Variants in RYR3 observed in about 807,000 individuals in gnomAD.
RYR3 encodes ryanodine receptor 3.
RYR3 carries 207 observed loss-of-function variants against 584.3 expected under a neutral mutation model. The observed-to-expected ratio is 0.35, with a 90% CI of 0.32 to 0.40. The LOEUF is 0.40. Among genes scored for constraint, RYR3 ranks in the 10% least tolerant of loss-of-function variants. RYR3 has a pLI of 1.00. For synonymous variants in RYR3, 2,416 were observed against 2,248.5 expected, an observed-to-expected ratio of 1.07 and a Z score of -2.11; for missense variants, 5,616 against 6,089.2, an observed-to-expected ratio of 0.92 and a Z score of 2.59.
At position 33,820,824 on chromosome 15, in the gene RYR3, T is replaced by G. The variant is rs373472134; in HGVS notation, c.10815+12T>G. The G allele has an allele frequency of 6.9e-5, 109 of 1,574,882 alleles. No homozygotes were observed. The African/African-American group carries it at 1.2e-3, about 18-fold the overall frequency. The stretch of plus-strand genomic sequence containing the variant: ...AAAAAACATTCGAAGTAAGTTCTCA[T>G]GAAGAATAAAAATAGAGCCACCCTC... On this transcript the variant is annotated intron_variant, in intron 78 of 103. Transcript: ENST00000634891.
At position 33,819,723 on chromosome 15, in the gene RYR3, A is replaced by T. The variant is rs202007614; in HGVS notation, c.10707-33A>T. 1,531 of 976,282 alleles carry T rather than the reference A, an allele frequency of 1.6e-3. 6 individuals are homozygous for T. The highest frequency in any genetic ancestry group is 6.4e-3 in the Middle Eastern group (28 of 4,362). The allele number at this position is 976,282 out of a possible 1,614,324, so 60.5% of individuals were successfully genotyped here. On this transcript the variant is annotated intron_variant, in intron 76 of 103. Coordinates refer to ENST00000634891, the MANE Select transcript of RYR3 (RefSeq NM_001036.6). ...ATAAATAAATAAATAAATAAATAAA[A>T]AGCCTGCTAAATATTTCCTCCATTC...
intron 1 of RYR3, among the ~76,000 whole-genome samples, chr15:33,335,974 A>G (rs1174600145): frequency 6.6e-6 from 1 of 152,192 alleles, no homozygotes; most frequent in Non-Finnish European, 1.5e-5. Context: ...AATGATAAAG[A>G]CAAGAACAGC....
Position 33,811,175 on chromosome 15 carries a change from G to A in RYR3, c.10257+138G>A. On this transcript the variant is annotated intron_variant, in intron 72 of 103. Transcript: ENST00000634891. ...GGGGGTATTTGTGTTTAATTGGTAG[G>A]ACTAGCTCTCTCTTTTTTAAATTTT... The A allele has an allele frequency of 4.1e-6, 3 of 724,704 alleles. No homozygotes were observed. In the South Asian group the frequency reaches 5.3e-5, roughly 13 times the overall value. The allele number at this position is 724,704 out of a possible 1,614,324, so 44.9% of individuals were successfully genotyped here.
intron 3 of RYR3, among the ~76,000 whole-genome samples, chr15:33,515,860 T>C (rs1459214289): frequency 6.6e-6 from 1 of 152,246 alleles, no homozygotes; most frequent in Non-Finnish European, 1.5e-5. Context: ...AACTTCATTT[T>C]AATGCTATTA....
chr15:33,582,962 C>A (rs1595705427), intron 14 of RYR3, among the ~76,000 whole-genome samples: 1 of 152,194 alleles, frequency 6.6e-6, no homozygotes, highest in African/African-American at 2.4e-5. Context: ...AGATTTGCGT[C>A]TACTCTTTTT....
chr15:33,514,564 A>G (rs1055899419), intron 3 of RYR3, among the ~76,000 whole-genome samples: 1 of 148,938 alleles, frequency 6.7e-6, no homozygotes, highest in African/African-American at 2.5e-5. Flanking sequence ...TAAAATACTC[A>G]TTTTCATGTC....
chr15:33,855,204 C>CTTT (rs201635608), intron 98 of RYR3, among the ~76,000 whole-genome samples: 4,735 of 147,480 alleles, frequency 0.032, 137 homozygotes, highest in Non-Finnish European at 0.039. Flanking sequence ...CCTTGGAGAT[C>CTTT]TTTTTTTTTT....
At chr15:33,726,325 G>C in intron 45 of RYR3, 61 bp from the exon 46 acceptor site, 1 of 1,595,256 alleles carries the variant, frequency 6.3e-7, no homozygotes, top group African/African-American at 1.3e-5. Context: ...GTTTGGAGGT[G>C]GGGTGGAGGG....
chr15:33,765,632 C>CAAAAAAAAAAA (rs761552773), intron 60 of RYR3, among the ~76,000 whole-genome samples: 1 of 60,950 alleles, frequency 1.6e-5, no homozygotes, highest in Non-Finnish European at 3.3e-5. Context: ...GACTCCGTCT[C>CAAAAAAAAAAA]AAAAAAAAAA....
chr15:33,793,510 A>G (rs1478562449), intron 67 of RYR3, among the ~76,000 whole-genome samples: 2 of 152,138 alleles, frequency 1.3e-5, no homozygotes, highest in African/African-American at 2.4e-5. Context: ...GCATAAACCC[A>G]GGTATGGTCA....
At chr15:33,774,774 T>G (rs2073878438) in intron 64 of RYR3, among the ~76,000 whole-genome samples, 1 of 152,218 alleles carries the variant, frequency 6.6e-6, no homozygotes, top group Non-Finnish European at 1.5e-5. Context: ...TCATTTGTAA[T>G]TTAGGATAGG....
chr15:33,855,085 A>G (rs2079509448), intron 98 of RYR3, 173 bp downstream of exon 98: 2 of 523,302 alleles, frequency 3.8e-6, no homozygotes, highest in Admixed American at 8.5e-5. Flanking sequence ...GTAGCCAATT[A>G]AAAATGTAAC....
intron 34 of RYR3, among the ~76,000 whole-genome samples, chr15:33,660,675 A>G (rs1269861403): frequency 6.6e-6 from 1 of 152,208 alleles, no homozygotes; most frequent in Non-Finnish European, 1.5e-5. Flanking sequence ...GAACAGTGCC[A>G]TGCCTTAAAT....
chr15:33,696,520 T>C (rs766941075), intron 39 of RYR3, 29 bp downstream of exon 39: 1 of 1,607,492 alleles, frequency 6.2e-7, no homozygotes, highest in Non-Finnish European at 8.5e-7. Flanking sequence ...CGTGCTGTTC[T>C]CTCTAGGAGC....
chr15:33,572,254 C>A (rs2058063741), intron 12 of RYR3, among the ~76,000 whole-genome samples: 1 of 152,040 alleles, frequency 6.6e-6, no homozygotes, highest in Admixed American at 6.6e-5. Flanking sequence ...GCATAGTTAC[C>A]TTTACCAGTA....
At chr15:33,668,657 C>T (rs943636155) in intron 36 of RYR3, among the ~76,000 whole-genome samples, 20 of 152,004 alleles carry the variant, frequency 1.3e-4, no homozygotes, top group South Asian at 4.1e-4. Flanking sequence ...ATTACTGTAA[C>T]GAAGATGGCA....
chr15:33,665,253 G>T (rs1450716579), intron 36 of RYR3, among the ~76,000 whole-genome samples: 2 of 152,156 alleles, frequency 1.3e-5, no homozygotes, highest in African/African-American at 2.4e-5. Flanking sequence ...CCCATTGCTC[G>T]CTGTGTGGTC....
In RYR3 at chr15:33,601,640, A is replaced by G. The variant is rs1412436778; in HGVS notation, c.1922+88A>G. On this transcript the variant is annotated intron_variant, in intron 17 of 103. Coordinates refer to ENST00000634891, the MANE Select transcript of RYR3 (RefSeq NM_001036.6). ...GAAAAGAGGGCTCATCTGAACTCCA[A>G]AGTTGCCCACCCATTGTTTCCATGG... The G allele has an allele frequency of 3.5e-6, 5 of 1,443,712 alleles. 1 individual carries two copies. In the South Asian group the frequency reaches 3.7e-5, roughly 11 times the overall value. 89.4% of individuals were successfully genotyped at this position (1,443,712 alleles called of 1,614,324 possible).
At chr15:33,490,076 TAACAA>T (rs1442636266) in intron 2 of RYR3, among the ~76,000 whole-genome samples, 1 of 152,242 alleles carries the variant, frequency 6.6e-6, no homozygotes, top group Non-Finnish European at 1.5e-5. Flanking sequence ...AATAATTTAT[TAACAA>T]AACACCCTTG....
Sources: allele counts gnomAD v4.1 joint callset (sites outside exome capture counted in the v4.1 genomes callset), GRCh38; gene constraint gnomAD v4.1.1; transcripts MANE v1.5; gene names NCBI Gene and HGNC (gene_info 2026-07-23, HGNC 2026-07-21).